Variants in TSHR observed in about 807,000 individuals in gnomAD.
TSHR encodes thyroid stimulating hormone receptor.
TSHR carries 51 observed loss-of-function variants against 64.1 expected under a neutral mutation model. The observed-to-expected ratio is 0.80, with a 90% CI of 0.64 to 1.01. The LOEUF is 1.01. Among genes scored for constraint, TSHR ranks in the 50% least tolerant of loss-of-function variants. TSHR has a pLI of 0.00. For synonymous variants in TSHR, 361 were observed against 361.9 expected, an observed-to-expected ratio of 1.00 and a Z score of 0.03; for missense variants, 877 against 942.8, an observed-to-expected ratio of 0.93 and a Z score of 0.91.
chr14:81,070,865 C>T (rs1311570087), intron 3 of TSHR, among the ~76,000 whole-genome samples: 1 of 151,952 alleles, frequency 6.6e-6, no homozygotes, highest in Non-Finnish European at 1.5e-5. Flanking sequence ...TACCATTAGG[C>T]TCATATTAAA....
At chr14:81,028,142 G>A (rs1234350698) in intron 1 of TSHR, among the ~76,000 whole-genome samples, 1 of 152,070 alleles carries the variant, frequency 6.6e-6, no homozygotes, top group East Asian at 1.9e-4. Context: ...ATTACTAGAG[G>A]AACTCAAGTA....
chr14:81,130,863 T>C lies in TSHR; in HGVS notation c.693-8816T>C, dbSNP rs1158624775. 3.0e-4 allele frequency among the ~76,000 whole-genome samples: 39 copies of C among 128,172 alleles called. 5 individuals are homozygous for C. Among genetic ancestry groups the C allele is most frequent in the Admixed American group, 4.2e-4 (6 of 14,158 alleles). The allele number at this position is 128,172 out of a possible 152,430, so 84.1% of individuals were successfully genotyped here. A position where few individuals can be genotyped will look rare whatever the true frequency, so the allele number is the denominator to read the frequency against. ...AAAATTAGCCGGGCGCGGTGGCGGG[T>C]GCCTGTAGTCCCAGCTACTCGGGAG... is the stretch of plus-strand genomic sequence containing the variant. On this transcript the variant is annotated intron_variant, in intron 8 of 9. Coordinates refer to ENST00000298171, the MANE Select transcript of TSHR (RefSeq NM_000369.5).
At chr14:81,000,566 C>G (rs1043844662) in intron 1 of TSHR, among the ~76,000 whole-genome samples, 4 of 152,118 alleles carry the variant, frequency 2.6e-5, no homozygotes, top group Non-Finnish European at 5.9e-5. Flanking sequence ...AGCCTGCCTA[C>G]CACTGGGGTA....
chr14:81,062,028 T>C (rs1435902276), intron 1 of TSHR, 120 bp from the exon 2 acceptor site: 2 of 827,538 alleles, frequency 2.4e-6, no homozygotes, highest in East Asian at 5.2e-5. Flanking sequence ...GTTGATTATG[T>C]ATCAGCCAAC....
intron 1 of TSHR, among the ~76,000 whole-genome samples, chr14:80,991,309 T>C (rs1355228034): frequency 1.3e-5 from 2 of 152,184 alleles, no homozygotes; most frequent in East Asian, 1.9e-4. Flanking sequence ...TGGTTTTACC[T>C]ACTTAAAAAA....
intron 1 of TSHR, among the ~76,000 whole-genome samples, chr14:80,998,233 G>C (rs1239732617): frequency 6.6e-6 from 1 of 152,154 alleles, no homozygotes; most frequent in Non-Finnish European, 1.5e-5. Context: ...GTCACAGTGT[G>C]TGTGTTATGT....
chr14:80,956,360 A>G (rs1886684367), intron 1 of TSHR, among the ~76,000 whole-genome samples: 1 of 152,256 alleles, frequency 6.6e-6, no homozygotes, highest in African/African-American at 2.4e-5. Flanking sequence ...TGAACTGTCT[A>G]TACAGTATCT....
intron 1 of TSHR, among the ~76,000 whole-genome samples, chr14:81,038,110 A>G (rs1404254749): frequency 6.6e-6 from 1 of 152,090 alleles, no homozygotes; most frequent in Non-Finnish European, 1.5e-5. Flanking sequence ...ACAAATTTTT[A>G]AAAATCAAAA....
intron 8 of TSHR, among the ~76,000 whole-genome samples, chr14:81,134,175 G>C (rs985310795): frequency 6.6e-6 from 1 of 151,788 alleles, no homozygotes. Context: ...CGCTCTTGTT[G>C]CCCAGGCTGG....
intron 3 of TSHR, among the ~76,000 whole-genome samples, chr14:81,087,237 G>T (rs1269572913): frequency 6.6e-6 from 1 of 152,188 alleles, no homozygotes; most frequent in East Asian, 1.9e-4. Context: ...CATAGGGAAT[G>T]CCTTAAACTC....
intron 6 of TSHR, among the ~76,000 whole-genome samples, chr14:81,094,678 A>AT (rs1889012799): frequency 2.3e-4 from 18 of 78,530 alleles, no homozygotes; most frequent in African/African-American, 9.4e-4. Flanking sequence ...TTATTTTTTT[A>AT]ATTTTTTTTT....
At chr14:80,961,646 G>A (rs533017775) in intron 1 of TSHR, among the ~76,000 whole-genome samples, 1 of 152,292 alleles carries the variant, frequency 6.6e-6, no homozygotes, top group East Asian at 1.9e-4. Context: ...CTTGGGAGCA[G>A]TTTCTATGCA....
At chr14:80,961,077 G>A (rs560793836) in intron 1 of TSHR, among the ~76,000 whole-genome samples, 7 of 152,356 alleles carry the variant, frequency 4.6e-5, no homozygotes, top group African/African-American at 7.2e-5. Flanking sequence ...CACTTTTGGC[G>A]TCTGAAATAG....
intron 1 of TSHR, chr14:80,995,555 T>C (rs1032880120): frequency 5.9e-5 from 9 of 152,190 alleles, no homozygotes; most frequent in African/African-American, 9.7e-5. Flanking sequence ...GAGGTCATTA[T>C]CCTCAGCAAA....
At chr14:81,024,796 A>G (rs1338971322) in intron 1 of TSHR, among the ~76,000 whole-genome samples, 1 of 152,146 alleles carries the variant, frequency 6.6e-6, no homozygotes, top group Non-Finnish European at 1.5e-5. Flanking sequence ...TTTTCCTGTC[A>G]TGATTTTTCT....
intron 8 of TSHR, among the ~76,000 whole-genome samples, chr14:81,125,694 G>A (rs1471908360): frequency 6.6e-6 from 1 of 152,122 alleles, no homozygotes; most frequent in Non-Finnish European, 1.5e-5. Flanking sequence ...TCCTGCAGAT[G>A]CAAAGCCAGG....
At chr14:81,089,775 T>C (rs78759255) in intron 4 of TSHR, among the ~76,000 whole-genome samples, 4,606 of 152,286 alleles carry the variant, frequency 0.03, 230 homozygotes, top group African/African-American at 0.1. Context: ...TGAGCACCTA[T>C]TGCAATTGAA....
chr14:80,998,556 A>T (rs1033907043), intron 1 of TSHR, among the ~76,000 whole-genome samples: 2 of 152,098 alleles, frequency 1.3e-5, no homozygotes, highest in Non-Finnish European at 2.9e-5. Flanking sequence ...ATACTAGAGA[A>T]TTTTAAATGA....
chr14:80,992,308 G>T, intron 1 of TSHR: 1 of 147,714 alleles, frequency 6.8e-6, no homozygotes, highest in Non-Finnish European at 1.5e-5. Flanking sequence ...GCTGAGTCAG[G>T]AGAATCCCTT....
Sources: allele counts gnomAD v4.1 joint callset (sites outside exome capture counted in the v4.1 genomes callset), GRCh38; gene constraint gnomAD v4.1.1; transcripts MANE v1.5; gene names NCBI Gene and HGNC (gene_info 2026-07-23, HGNC 2026-07-21).